Variants in CDH11 observed in about 807,000 individuals in gnomAD.
CDH11 encodes cadherin 11.
Under a neutral mutation model 67.8 loss-of-function variants are expected in CDH11, and 11 were observed. The ratio of observed to expected loss-of-function variants is 0.16; its 90% CI spans 0.10 to 0.27. The LOEUF (loss-of-function observed/expected upper bound fraction) is 0.27, where lower values mean the gene tolerates loss of function less well. CDH11 is among the 10% of genes least tolerant of loss of function. The pLI, the probability that CDH11 is intolerant of heterozygous loss-of-function variation, is 1.00. For synonymous variants in CDH11, 419 were observed against 400.0 expected, an observed-to-expected ratio of 1.05 and a Z score of -0.57; for missense variants, 847 against 1,031.2, an observed-to-expected ratio of 0.82 and a Z score of 2.45.
intron 8 of CDH11, among the ~76,000 whole-genome samples, chr16:64,977,216 G>A (rs2072196307): frequency 6.6e-6 from 1 of 152,034 alleles, no homozygotes; most frequent in African/African-American, 2.4e-5. Context: ...AAATATAAAA[G>A]CTTTGAATAT....
At chr16:65,035,503 A>T (rs2073735820) in intron 2 of CDH11, among the ~76,000 whole-genome samples, 3 of 152,310 alleles carry the variant, frequency 2.0e-5, no homozygotes, top group South Asian at 2.1e-4. Context: ...GCTTGCTAAC[A>T]TTTAAATCTG....
intron 12 of CDH11, chr16:64,948,796 G>T (rs2071268532): frequency 6.4e-7 from 1 of 1,573,922 alleles, no homozygotes; most frequent in East Asian, 2.3e-5. Context: ...ACCTAGGAGG[G>T]GTGATCAGAG....
At chr16:64,948,531 T>G in intron 12 of CDH11, 1 of 1,200,666 alleles carries the variant, frequency 8.3e-7, no homozygotes, top group Non-Finnish European at 1.2e-6. Flanking sequence ...CCTACCATCT[T>G]ATAGGGGGTG....
chr16:65,005,626 T>C (rs1017302416), intron 2 of CDH11, among the ~76,000 whole-genome samples: 9 of 152,240 alleles, frequency 5.9e-5, no homozygotes, highest in African/African-American at 1.7e-4. Context: ...CAAGAAACCA[T>C]TGATGGTTAC....
At chr16:64,980,735 G>C (rs192759690) in intron 8 of CDH11, among the ~76,000 whole-genome samples, 264 of 152,288 alleles carry the variant, frequency 1.7e-3, no homozygotes, top group Admixed American at 2.3e-3. Flanking sequence ...TTTTAACTAA[G>C]GTAAGATGTG....
At chr16:65,109,332 C>T (rs1398882487) in intron 1 of CDH11, among the ~76,000 whole-genome samples, 1 of 152,162 alleles carries the variant, frequency 6.6e-6, no homozygotes, top group African/African-American at 2.4e-5. Context: ...CCCCTGCAGA[C>T]TTCACTCCCT....
At chr16:65,071,806 C>G (rs189580898) in intron 1 of CDH11, among the ~76,000 whole-genome samples, 1 of 152,132 alleles carries the variant, frequency 6.6e-6, no homozygotes, top group Non-Finnish European at 1.5e-5. Flanking sequence ...GATCGTGACC[C>G]GAGCCGAAAG....
Position 64,977,201 on chromosome 16 carries a change from A to AAAAC in CDH11, c.1254-4165_1254-4162dup, listed in dbSNP as rs201730514. 2.2e-3 allele frequency among the ~76,000 whole-genome samples: 339 copies of AAAAC among 152,278 alleles called. 3 individuals are homozygous for AAAAC. Among genetic ancestry groups the AAAAC allele is most frequent in the African/African-American group, 7.5e-3 (311 of 41,554 alleles). On this transcript the variant is annotated intron_variant, in intron 8 of 12. Transcript: ENST00000268603. Reference sequence around the variant, plus strand: ...GGTGACAGAGTGAGACCCTGTCTCAAAAACAAATATAAAAGCTTTGAATAT... The same window carrying AAAAC: ...GGTGACAGAGTGAGACCCTGTCTCAAAAACAAACAAATATAAAAGCTTTGAATAT...
intron 10 of CDH11, 115 bp from the exon 11 acceptor site, chr16:64,971,811 CA>C: frequency 7.1e-7 from 1 of 1,416,758 alleles, no homozygotes; most frequent in Non-Finnish European, 9.9e-7. Flanking sequence ...AACTTCAGAA[CA>C]AAACTATGGC....
intron 2 of CDH11, among the ~76,000 whole-genome samples, chr16:65,007,535 C>T (rs78078730): frequency 0.016 from 2,404 of 152,156 alleles, 24 homozygotes; most frequent in Non-Finnish European, 0.027. Context: ...CCCCAGAGGA[C>T]GGGTTAGATG....
At position 64,959,830 on chromosome 16, in the gene CDH11, T is replaced by G. The variant is rs1344044710; in HGVS notation, c.1643-8812A>C. Among the ~76,000 whole-genome samples the G allele has an allele frequency of 2.0e-5, 3 of 152,182 alleles. No individual in the cohort carries two copies. In the East Asian group the frequency reaches 5.8e-4, roughly 29 times the overall value. On this transcript the variant is annotated intron_variant, in intron 11 of 12. Transcript: ENST00000268603. ...TTTGCATGCTAGTTTGTGCTGCTCA[T>G]AAAAAATGTCCTTAGTTCGGGGGGA...
At position 65,015,426 on chromosome 16, in the gene CDH11, C is replaced by G. The variant is rs2073282329; in HGVS notation, c.-172-10385G>C. 2.0e-5 allele frequency among the ~76,000 whole-genome samples: 3 copies of G among 149,106 alleles called. No individual in the cohort carries two copies. In the South Asian group the frequency reaches 6.5e-4, roughly 32 times the overall value. On this transcript the variant is annotated intron_variant, in intron 2 of 12. Coordinates refer to ENST00000268603, the MANE Select transcript of CDH11 (RefSeq NM_001797.4). The stretch of plus-strand genomic sequence containing the variant: ...ATACAGAGATGATAACTAACTTATT[C>G]AAAATAAAATAAAGAGTGAAAAAAA...
chr16:65,095,608 T>C (rs1790495042), intron 1 of CDH11, among the ~76,000 whole-genome samples: 1 of 152,152 alleles, frequency 6.6e-6, no homozygotes, highest in Admixed American at 6.5e-5. Flanking sequence ...ATTCAACCAG[T>C]TGAAAGGCAT....
intron 7 of CDH11, 34 bp downstream of exon 7, chr16:64,988,123 C>A: frequency 6.5e-7 from 1 of 1,547,072 alleles, no homozygotes; most frequent in Non-Finnish European, 8.8e-7. Flanking sequence ...GCAGGCCATA[C>A]CACTGACACG....
chr16:65,101,381 T>C lies in CDH11; in HGVS notation c.-298+20499A>G, dbSNP rs138840574. 1.4e-4 allele frequency among the ~76,000 whole-genome samples: 21 copies of C among 152,332 alleles called. No individual in the cohort carries two copies. The East Asian group carries it at 4.1e-3, about 29-fold the overall frequency. On this transcript the variant is annotated intron_variant, in intron 1 of 12. Coordinates refer to ENST00000268603, the MANE Select transcript of CDH11 (RefSeq NM_001797.4). ...ATGCTAGTCAAACTCCCTTTCCTCT[T>C]TGGAGCTCTCCTTCAACATTAGGGG...
chr16:64,989,316 G>A (rs1277199991), intron 6 of CDH11, among the ~76,000 whole-genome samples: 1 of 151,968 alleles, frequency 6.6e-6, no homozygotes, highest in Non-Finnish European at 1.5e-5. Context: ...ATGAATGTGA[G>A]CTATTTGTGA....
rs549033922 is a variant in CDH11 at position 64,957,310 on chromosome 16, G to A, written c.1643-6292C>T. 7.9e-5 allele frequency among the ~76,000 whole-genome samples: 12 copies of A among 152,214 alleles called. No homozygotes were observed. The East Asian group carries it at 2.3e-3, about 29-fold the overall frequency. On this transcript the variant is annotated intron_variant, in intron 11 of 12. Coordinates refer to ENST00000268603, the MANE Select transcript of CDH11 (RefSeq NM_001797.4). The stretch of plus-strand genomic sequence containing the variant: ...GCACTTCAGTCTGAGGATCCTCTCT[G>A]CAGACTGTTGGAAAACCGAGAATGT...
chr16:65,103,006 C>A (rs1052862690), intron 1 of CDH11, among the ~76,000 whole-genome samples: 1 of 152,216 alleles, frequency 6.6e-6, no homozygotes, highest in African/African-American at 2.4e-5. Context: ...CAGCCCGTCT[C>A]TCTGTGCCCT....
chr16:64,952,653 TACACACATACAC>T (rs976275487), intron 11 of CDH11, among the ~76,000 whole-genome samples: 6 of 140,900 alleles, frequency 4.3e-5, no homozygotes, highest in Admixed American at 1.4e-4. Context: ...CATACATGCA[TACACACATACAC>T]ACACACATAC....
Sources: allele counts gnomAD v4.1 joint callset (sites outside exome capture counted in the v4.1 genomes callset), GRCh38; gene constraint gnomAD v4.1.1; transcripts MANE v1.5; gene names NCBI Gene and HGNC (gene_info 2026-07-23, HGNC 2026-07-21).